The following ASTE1 variants were observed in gnomAD, a reference collection of about 807,000 sequenced individuals.
ASTE1 encodes asteroid structure-specific endonuclease 1, also known as single-strand DNA endonuclease ASTE1.
Under a neutral mutation model 45.8 loss-of-function variants are expected in ASTE1, and 49 were observed. The observed-to-expected ratio is 1.07, with a 90% CI of 0.85 to 1.36. ASTE1 has a LOEUF of 1.36. ASTE1 is among the 40% of genes most tolerant of loss of function. The pLI is 0.00. For synonymous variants in ASTE1, 296 were observed against 303.9 expected, an observed-to-expected ratio of 0.97 and a Z score of 0.27; for missense variants, 709 against 804.0, an observed-to-expected ratio of 0.88 and a Z score of 1.43.
intron 4 of ASTE1, chr3:131,017,196 G>C (rs1298626932): frequency 6.6e-6 from 3 of 456,642 alleles, no homozygotes; most frequent in Non-Finnish European, 1.1e-5. Context: ...TAAAGCAGCA[G>C]TGGGACTTAA....
intron 5 of ASTE1, among the ~76,000 whole-genome samples, chr3:131,015,722 T>TAGGA (rs915839452): frequency 2.0e-5 from 3 of 151,158 alleles, no homozygotes; most frequent in African/African-American, 7.3e-5. Flanking sequence ...GAAATGCAAT[T>TAGGA]AAAAAAAAAT....
At chr3:131,015,497 A>G (rs6772562) in intron 5 of ASTE1, among the ~76,000 whole-genome samples, 28,036 of 152,144 alleles carry the variant, frequency 0.18, 2,699 homozygotes, top group Middle Eastern at 0.22. Context: ...GACAAACATT[A>G]TAATTACTCT....
At chr3:131,021,574 G>A (rs924758975) in intron 3 of ASTE1, among the ~76,000 whole-genome samples, 1 of 152,148 alleles carries the variant, frequency 6.6e-6, no homozygotes, top group African/African-American at 2.4e-5. Context: ...AAGCTTCTAG[G>A]GTGGCGATAA....
At chr3:131,023,141 GAC>G (rs1198265138) in intron 3 of ASTE1, among the ~76,000 whole-genome samples, 47 of 152,304 alleles carry the variant, frequency 3.1e-4, no homozygotes, top group Admixed American at 2.5e-3. Flanking sequence ...AGGAAGACCT[GAC>G]TTAAATCCAC....
At position 131,025,126 on chromosome 3, in the gene ASTE1, G is replaced by A; in HGVS notation, c.181C>T (p.Gln61Ter). The A allele has an allele frequency of 6.2e-7, 1 of 1,614,098 alleles. No homozygotes were observed. Among genetic ancestry groups the A allele is most frequent in the East Asian group, 2.2e-5 (1 of 44,886 alleles). ...GDYDSFADVV[Q>*]KFFESLFACN... ...GCAAACAGTGATTCAAAGAATTTTT[G>A]TACAACATCTGCAAAAGAATCATAG... is the stretch of plus-strand genomic sequence containing the variant. The change falls in exon 3 of 6, where the codon CAA becomes TAA. Residue 61 changes from glutamine (Q) to a stop codon, truncating the protein, a stop_gained. Transcript: ENST00000264992. LOFTEE classifies it high-confidence loss of function.
intron 4 of ASTE1, 28 bp downstream of exon 4, chr3:131,018,478 T>C (rs2063697081): frequency 6.3e-7 from 1 of 1,599,248 alleles, no homozygotes; most frequent in Non-Finnish European, 8.6e-7. Context: ...CATGCCACAA[T>C]ATACTCCTGT....
rs370039913 is a variant in ASTE1 at position 131,014,249 on chromosome 3, G to A, written c.1848C>T (p.Pro616=). The A allele has an allele frequency of 3.0e-5, 48 of 1,613,552 alleles. No individual in the cohort carries two copies. The Admixed American group carries it at 4.3e-4, about 15-fold the overall frequency. The change falls in exon 6 of 6, where the codon CCC becomes CCT. Residue 616 remains proline (P), a synonymous_variant. Transcript: ENST00000264992. ...YLFNATRSYA[P]AEIFLPKGRS... ...TACCTTTTGGTAGGAATATTTCAGC[G>A]GGGGCATATGACCTTGTGGCATTGA...
intron 3 of ASTE1, among the ~76,000 whole-genome samples, chr3:131,020,666 A>G (rs1016239132): frequency 6.6e-6 from 1 of 152,252 alleles, no homozygotes; most frequent in East Asian, 1.9e-4. Flanking sequence ...CAAGGTTTCT[A>G]TACTTGTACT....
chr3:131,022,137 A>G (rs902776574), intron 3 of ASTE1, among the ~76,000 whole-genome samples: 1 of 152,176 alleles, frequency 6.6e-6, no homozygotes, highest in East Asian at 1.9e-4. Flanking sequence ...GGGACACCAT[A>G]TCTTGGGGCT....
rs1323314474 is a variant in ASTE1, at chr3:131,024,199, G to A, written c.1108C>T (p.Gln370Ter). 6.2e-7 allele frequency: 1 copy of A among 1,614,106 alleles called. No homozygotes were observed. The highest frequency in any genetic ancestry group is 1.3e-5 in the African/African-American group (1 of 74,944). ...CCATAGATGATTTGCCTGATGGGCTGAGATATTCTGTGGGCATTTGGTTGC... is the reference window on the plus strand; with the variant it reads ...CCATAGATGATTTGCCTGATGGGCTAAGATATTCTGTGGGCATTTGGTTGC... The part of the protein sequence containing the change: ...MQQPNAHRIS[Q>*]PIRQIIYGLL... Residue 370 changes from glutamine (Q) to a stop codon, truncating the protein, a stop_gained, in exon 3 of 6, where the codon CAG becomes TAG. Coordinates refer to ENST00000264992, the MANE Select transcript of ASTE1 (RefSeq NM_014065.4). LOFTEE classifies it high-confidence loss of function.
At chr3:131,019,252 C>CT (rs1217944621) in intron 3 of ASTE1, among the ~76,000 whole-genome samples, 4 of 152,292 alleles carry the variant, frequency 2.6e-5, no homozygotes, top group South Asian at 2.1e-4. Context: ...GGCATATACT[C>CT]TATTTGTTTG....
At chr3:131,021,852 T>G (rs1350365600) in intron 3 of ASTE1, among the ~76,000 whole-genome samples, 1 of 152,230 alleles carries the variant, frequency 6.6e-6, no homozygotes, top group Non-Finnish European at 1.5e-5. Flanking sequence ...CATTACATTT[T>G]TTTTAAAAAA....
rs761391340 is a variant in ASTE1 at position 131,023,963 on chromosome 3, A to G, written c.1302+42T>C. ...TAGAAGACAGCACTTTGTATCCTGT[A>G]AAGTACTTTACAAAAATTTCATTAG... On this transcript the variant is annotated intron_variant, in intron 3 of 5. Coordinates refer to ENST00000264992, the MANE Select transcript of ASTE1 (RefSeq NM_014065.4). 3.3e-6 allele frequency: 5 copies of G among 1,528,036 alleles called. No individual in the cohort carries two copies. The Admixed American group carries it at 1.0e-4, about 31-fold the overall frequency. The allele number at this position is 1,528,036 out of a possible 1,614,324, so 94.7% of individuals were successfully genotyped here. A position where few individuals can be genotyped will look rare whatever the true frequency, so the allele number is the denominator to read the frequency against.
intron 4 of ASTE1, among the ~76,000 whole-genome samples, chr3:131,017,610 G>A (rs1389301266): frequency 6.6e-6 from 1 of 152,162 alleles, no homozygotes; most frequent in East Asian, 1.9e-4. Flanking sequence ...AAGTATTAAA[G>A]TGTCCCAGTG....
rs573263389 is a variant in ASTE1 at position 131,024,526 on chromosome 3, T to C, written c.781A>G (p.Asn261Asp). The change falls in exon 3 of 6, where the codon AAT becomes GAT. Residue 261 changes from asparagine to aspartate, a missense_variant. By Grantham distance (23) the Asn-to-Asp change is conservative. Transcript: ENST00000264992. ...GGGTTGGCAAAATGAGACAACCAAT[T>C]CAGAAGTCCCAGGATTCGGTGGTGT... is the stretch of plus-strand genomic sequence containing the variant. ...RRHHRILGLL[N>D]WLSHFANPTE... 4 of 1,614,126 alleles carry C rather than the reference T, an allele frequency of 2.5e-6. No individual in the cohort carries two copies. In the South Asian group the frequency reaches 4.4e-5, roughly 18 times the overall value.
intron 5 of ASTE1, chr3:131,015,917 T>G (rs2063603880): frequency 1.5e-6 from 1 of 659,610 alleles, no homozygotes; most frequent in African/African-American, 1.8e-5. Context: ...TTTTTAAAAT[T>G]GGATTGAATC....
At chr3:131,022,260 TGAA>T (rs2109095183) in intron 3 of ASTE1, among the ~76,000 whole-genome samples, 1 of 152,322 alleles carries the variant, frequency 6.6e-6, no homozygotes, top group Non-Finnish European at 1.5e-5. Context: ...TTTAAGCTAC[TGAA>T]ACCTTTTCTT....
Position 131,025,164 on chromosome 3 carries a change from C to T in ASTE1, c.143G>A (p.Arg48Gln), listed in dbSNP as rs112130062. The T allele has an allele frequency of 3.3e-5, 54 of 1,614,156 alleles. No individual in the cohort carries two copies. Among genetic ancestry groups the T allele is most frequent in the African/African-American group, 1.2e-4 (9 of 75,032 alleles). Residue 48 changes from arginine (R) to glutamine (Q), a missense_variant, in exon 3 of 6, where the codon CGG becomes CAG. Coordinates refer to ENST00000264992, the MANE Select transcript of ASTE1 (RefSeq NM_014065.4). Reference sequence around the variant, plus strand: ...AAAAGAATCATAGTCCCCTCCATACCGGAGATCCAAGTTTGAACTGAAGCA... The same window carrying T: ...AAAAGAATCATAGTCCCCTCCATACTGGAGATCCAAGTTTGAACTGAAGCA... The part of the protein sequence containing the change: ...RLCFSSNLDL[R>Q]YGGDYDSFAD...
At chr3:131,018,163 C>G (rs1439083279) in intron 4 of ASTE1, among the ~76,000 whole-genome samples, 1 of 152,060 alleles carries the variant, frequency 6.6e-6, no homozygotes, top group African/African-American at 2.4e-5. Context: ...GTGCTAATAA[C>G]TGGATAGGTA....
Sources: allele counts gnomAD v4.1 joint callset (sites outside exome capture counted in the v4.1 genomes callset), GRCh38; gene constraint gnomAD v4.1.1; transcripts MANE v1.5; gene names NCBI Gene and HGNC (gene_info 2026-07-23, HGNC 2026-07-21).